The following ZNF738 variants were observed in gnomAD, a reference collection of about 807,000 sequenced individuals.
ZNF738 encodes the protein protein ZNF738.
Under a neutral mutation model 9.2 loss-of-function variants are expected in ZNF738, and 10 were observed. The ratio of observed to expected loss-of-function variants is 1.09; its 90% CI spans 0.67 to 1.85. ZNF738 has a LOEUF of 1.85. ZNF738 is among the 40% of genes most tolerant of loss of function. The probability of loss-of-function intolerance (pLI) is 0.00; values close to 1 mark genes in which losing one functional copy is unlikely to be tolerated. For missense variants in ZNF738, 346 were observed against 283.6 expected, an observed-to-expected ratio of 1.22 and a Z score of -1.58; for synonymous variants, 113 against 94.5, an observed-to-expected ratio of 1.20 and a Z score of -1.14.
At chr19:21,378,206 C>A (rs1014790590) in intron 4 of ZNF738, 1 of 356,744 alleles carries the variant, frequency 2.8e-6, no homozygotes, top group African/African-American at 2.1e-5. Flanking sequence ...GATTTCTATG[C>A]CTTTATCTTT....
intron 2 of ZNF738, among the ~76,000 whole-genome samples, chr19:21,362,616 G>GT (rs1378046492): frequency 2.6e-5 from 4 of 152,136 alleles, no homozygotes; most frequent in East Asian, 1.9e-4. Context: ...ATTTTCACCT[G>GT]TTTTTTAGCT....
chr19:21,364,479 A>T (rs555660458), intron 2 of ZNF738, among the ~76,000 whole-genome samples: 6 of 152,188 alleles, frequency 3.9e-5, no homozygotes, highest in African/African-American at 1.4e-4. Context: ...CCTGTGAAAA[A>T]TTTTATTTAG....
At chr19:21,375,813 G>A (rs1384199226) in intron 3 of ZNF738, 56 bp from the exon 4 acceptor site, 3 of 746,794 alleles carry the variant, frequency 4.0e-6, no homozygotes, top group East Asian at 5.0e-5. Flanking sequence ...CACAGTAATA[G>A]GTAGGTAATT....
chr19:21,368,462 T>C lies in ZNF738; in HGVS notation c.96+6604T>C, dbSNP rs148207692. ...TGCTTGTTTTTTGAGACAAACTCTT[T>C]TTTTTTCTTTTTTTTGAGACGTAGT... On this transcript the variant is annotated intron_variant, in intron 2 of 4. Transcript: ENST00000683779. Among the ~76,000 whole-genome samples the C allele has an allele frequency of 3.1e-3, 470 of 152,290 alleles. 1 individual carries two copies. The highest frequency in any genetic ancestry group is 0.011 in the African/African-American group (447 of 41,560).
chr19:21,359,064 G>A lies in ZNF738; in HGVS notation c.-77G>A, dbSNP rs886575538. 2.6e-5 allele frequency: 23 copies of A among 890,010 alleles called. No homozygotes were observed. The highest frequency in any genetic ancestry group is 4.4e-5 in the Non-Finnish European group (23 of 523,532). The allele number at this position is 890,010 out of a possible 1,614,324, so 55.1% of individuals were successfully genotyped here. On this transcript the variant is annotated 5_prime_UTR_variant, in exon 1 of 5. Transcript: ENST00000683779. ...TGCTCTGTGTCCTCTGCTCCTAGAG[G>A]CCCAGCCTCTGGTCCTGTGACCTGC... is the stretch of plus-strand genomic sequence containing the variant.
intron 4 of ZNF738, 171 bp downstream of exon 4, chr19:21,376,135 G>A (rs1973925064): frequency 6.7e-6 from 3 of 445,256 alleles, no homozygotes; most frequent in East Asian, 4.0e-5. Context: ...TGTTGTTACT[G>A]TCACATAGGG....
At position 21,383,625 on chromosome 19, in the gene ZNF738, C is replaced by G. The variant is rs997170223; in HGVS notation, c.1079C>G (p.Thr360Ser). The stretch of plus-strand genomic sequence containing the variant: ...GCTTTTAATTGGTACTCACACCTTA[C>G]CAGACATAAGATAATTCATACTGGA... The part of the protein sequence containing the change: ...GKAFNWYSHL[T>S]RHKIIHTGEK... The change falls in exon 5 of 5, where the codon ACC becomes AGC. Residue 360 changes from threonine (T) to serine (S), a missense_variant. Coordinates refer to ENST00000683779, the MANE Select transcript of ZNF738 (RefSeq NM_001355237.2). The G allele has an allele frequency of 9.3e-5, 90 of 967,934 alleles. No individual in the cohort carries two copies. The Admixed American group carries it at 1.6e-3, about 17-fold the overall frequency. 60.0% of individuals were successfully genotyped at this position (967,934 alleles called of 1,614,324 possible).
chr19:21,377,979 C>T (rs1190722651), intron 4 of ZNF738: 4 of 395,588 alleles, frequency 1.0e-5, no homozygotes, highest in Admixed American at 4.4e-5. Flanking sequence ...TATGCTTTTA[C>T]TTCTTTCTTA....
At chr19:21,359,567 T>C (rs1420347203) in intron 1 of ZNF738, among the ~76,000 whole-genome samples, 1 of 152,154 alleles carries the variant, frequency 6.6e-6, no homozygotes, top group Non-Finnish European at 1.5e-5. Context: ...TGCAAAAATA[T>C]TAAAAGAATT....
intron 4 of ZNF738, chr19:21,381,513 A>G (rs779606903): frequency 2.7e-5 from 24 of 890,796 alleles, no homozygotes; most frequent in Non-Finnish European, 4.0e-5. Context: ...TTTTTTTTCG[A>G]GATGGAGTCT....
At chr19:21,366,999 A>G (rs549906001) in intron 2 of ZNF738, among the ~76,000 whole-genome samples, 8 of 152,184 alleles carry the variant, frequency 5.3e-5, no homozygotes, top group African/African-American at 1.7e-4. Flanking sequence ...TCTCATCCTT[A>G]TTTTACTCAG....
intron 4 of ZNF738, chr19:21,376,499 T>C (rs1439882459): frequency 6.6e-6 from 1 of 152,658 alleles, no homozygotes; most frequent in Non-Finnish European, 1.5e-5. Context: ...TGCTTTGTTC[T>C]TTTTCCTCAA....
intron 2 of ZNF738, among the ~76,000 whole-genome samples, chr19:21,366,302 T>G (rs1973778722): frequency 6.6e-6 from 1 of 152,166 alleles, no homozygotes; most frequent in Non-Finnish European, 1.5e-5. Flanking sequence ...AAGTTGGGTC[T>G]TGAATCCAAG....
At chr19:21,375,419 C>T in intron 3 of ZNF738, 55 bp downstream of exon 3, 1 of 579,382 alleles carries the variant, frequency 1.7e-6, no homozygotes, top group Non-Finnish European at 3.1e-6. Context: ...TTCATTTCTC[C>T]ATTTTTGTAG....
At chr19:21,368,936 G>A (rs906801986) in intron 2 of ZNF738, among the ~76,000 whole-genome samples, 4 of 151,932 alleles carry the variant, frequency 2.6e-5, no homozygotes, top group African/African-American at 4.8e-5. Flanking sequence ...CGGGGTTTTA[G>A]TATATTGGCC....
rs147978877 is a variant in ZNF738 at position 21,385,370 on chromosome 19, C to G, written c.*1696C>G. Among the ~76,000 whole-genome samples, 1 of 151,942 alleles carries G rather than the reference C, an allele frequency of 6.6e-6. No individual in the cohort carries two copies. The highest frequency in any genetic ancestry group is 1.5e-5 in the Non-Finnish European group (1 of 67,976). ...ACTCTGGAGGCCTAGGTGGGAGAAT[C>G]GCTTGAACCCAGGAGGTGGAGGTTG... On this transcript the variant is annotated 3_prime_UTR_variant, in exon 5 of 5. Transcript: ENST00000683779.
chr19:21,378,475 G>A (rs929873639), intron 4 of ZNF738: 7 of 175,714 alleles, frequency 4.0e-5, no homozygotes, highest in African/African-American at 1.4e-4. Flanking sequence ...CAGATTTGGT[G>A]ATGGTATTAT....
intron 4 of ZNF738, among the ~76,000 whole-genome samples, chr19:21,380,581 A>G (rs879120386): frequency 5.9e-5 from 9 of 152,212 alleles, no homozygotes; most frequent in Admixed American, 5.9e-4. Flanking sequence ...GAGCAGGCAC[A>G]TAAGGTGGCA....
chr19:21,387,842 ACT>A lies in ZNF738; in HGVS notation c.*4171_*4172del, dbSNP rs1416146415. Among the ~76,000 whole-genome samples, 36 of 152,258 alleles carry A rather than the reference ACT, an allele frequency of 2.4e-4. 1 individual carries two copies. Among genetic ancestry groups the A allele is most frequent in the Admixed American group, 2.3e-3 (35 of 15,290 alleles). Reference sequence around the variant, plus strand: ...TGTACACATTTTGTACTAGAGGAAAACTCTGAAGCAGTTGCTCAAGCTTTGTT... The same window carrying A: ...TGTACACATTTTGTACTAGAGGAAAACTGAAGCAGTTGCTCAAGCTTTGTT... On this transcript the variant is annotated 3_prime_UTR_variant, in exon 5 of 5. Coordinates refer to ENST00000683779, the MANE Select transcript of ZNF738 (RefSeq NM_001355237.2).
Sources: gnomAD v4.1 joint callset for allele counts (sites outside exome capture counted in the v4.1 genomes callset) on GRCh38, gnomAD v4.1.1 for gene constraint, MANE v1.5 for transcripts, NCBI Gene and HGNC (gene_info 2026-07-23, HGNC 2026-07-21) for gene names.